Variants in PPP1R9A observed in about 807,000 individuals in gnomAD.
The protein encoded by PPP1R9A is protein phosphatase 1 regulatory subunit 9A.
Under a neutral mutation model 141.9 loss-of-function variants are expected in PPP1R9A, and 59 were observed. That is an observed-to-expected ratio of 0.42 (90% CI 0.34 to 0.52). The LOEUF (loss-of-function observed/expected upper bound fraction) is 0.52. PPP1R9A is among the 20% of genes least tolerant of loss of function. The pLI is 0.10. For synonymous variants in PPP1R9A, 500 were observed against 569.7 expected, an observed-to-expected ratio of 0.88 and a Z score of 1.74; for missense variants, 1,444 against 1,611.9, an observed-to-expected ratio of 0.90 and a Z score of 1.78.
At chr7:95,190,239 C>A (rs542925868) in intron 5 of PPP1R9A, among the ~76,000 whole-genome samples, 1 of 152,308 alleles carries the variant, frequency 6.6e-6, no homozygotes, top group African/African-American at 2.4e-5. Context: ...TACATTTCTT[C>A]TTTCCCTAGG....
chr7:94,958,705 C>G (rs909985972), intron 2 of PPP1R9A, among the ~76,000 whole-genome samples: 10 of 151,970 alleles, frequency 6.6e-5, no homozygotes, highest in African/African-American at 2.4e-4. Context: ...TGTATTCGCT[C>G]TCTTGTTACA....
rs6951458 is a variant in PPP1R9A, at chr7:95,227,036, A to G, written c.2112+920A>G. Reference sequence around the variant, plus strand: ...CTAAAGACTTTCTAAATTAACTGATATCTTCAAACCAAAGAGCAATGCAGA... The same window carrying G: ...CTAAAGACTTTCTAAATTAACTGATGTCTTCAAACCAAAGAGCAATGCAGA... On this transcript the variant is annotated intron_variant, in intron 8 of 19. Coordinates refer to ENST00000433360, the MANE Select transcript of PPP1R9A (RefSeq NM_001166160.2). 8.9e-3 allele frequency among the ~76,000 whole-genome samples: 1,356 copies of G among 152,336 alleles called. 11 individuals are homozygous for G. The highest frequency in any genetic ancestry group is 0.016 in the African/African-American group (686 of 41,590).
intron 2 of PPP1R9A, among the ~76,000 whole-genome samples, chr7:94,992,217 G>T (rs1157731809): frequency 6.6e-6 from 1 of 152,120 alleles, no homozygotes; most frequent in Non-Finnish European, 1.5e-5. Context: ...CATTTTCTAG[G>T]ATTGTATATA....
chr7:95,162,400 C>A (rs1191978265), intron 5 of PPP1R9A, among the ~76,000 whole-genome samples: 2 of 152,140 alleles, frequency 1.3e-5, no homozygotes, highest in Admixed American at 6.5e-5. Context: ...TGTATACATT[C>A]TTTTAAGGAA....
In PPP1R9A at chr7:95,274,122, T is replaced by C. The variant is rs1488616225; in HGVS notation, c.3250T>C (p.Trp1084Arg). The change falls in exon 16 of 20, where the codon TGG becomes CGG. Residue 1084 changes from tryptophan to arginine, a missense_variant. Coordinates refer to ENST00000433360, the MANE Select transcript of PPP1R9A (RefSeq NM_001166160.2). ...LRRNSSKGKKWKEKEKEASRF... is the reference protein window; with the variant it reads ...LRRNSSKGKKRKEKEKEASRF... ...AAGGAATTCCAGCAAGGGAAAGAAGTGGAAAGAAAAAGAAAAAGAAGCCAG... is the reference window on the plus strand; with the variant it reads ...AAGGAATTCCAGCAAGGGAAAGAAGCGGAAAGAAAAAGAAAAAGAAGCCAG... 1.9e-6 allele frequency: 3 copies of C among 1,584,506 alleles called. No homozygotes were observed. Among genetic ancestry groups the C allele is most frequent in the Non-Finnish European group, 2.6e-6 (3 of 1,171,572 alleles).
At chr7:95,031,868 T>C (rs1435074696) in intron 2 of PPP1R9A, among the ~76,000 whole-genome samples, 1 of 152,162 alleles carries the variant, frequency 6.6e-6, no homozygotes, top group Non-Finnish European at 1.5e-5. Context: ...AACCTTAAAT[T>C]ATTTCAACTA....
chr7:94,967,578 A>C (rs180764883), intron 2 of PPP1R9A, among the ~76,000 whole-genome samples: 3 of 152,120 alleles, frequency 2.0e-5, no homozygotes, highest in Non-Finnish European at 4.4e-5. Flanking sequence ...TTACTTACCC[A>C]GTAGTCATTC....
At position 95,268,532 on chromosome 7, in the gene PPP1R9A, A is replaced by G. The variant is rs371830914; in HGVS notation, c.2666-18A>G. On this transcript the variant is annotated intron_variant, in intron 12 of 19. Transcript: ENST00000433360. ...TCTCCAAAGGTTTCTCTCACTGATT[A>G]TCTTTCAATATTCTTAGACTTGAAT... The G allele has an allele frequency of 4.3e-4, 701 of 1,612,178 alleles. No individual in the cohort carries two copies. The highest frequency in any genetic ancestry group is 7.5e-4 in the Admixed American group (45 of 59,832).
chr7:95,049,547 A>G (rs773871342), intron 2 of PPP1R9A, among the ~76,000 whole-genome samples: 2 of 152,150 alleles, frequency 1.3e-5, no homozygotes, highest in Non-Finnish European at 2.9e-5. Flanking sequence ...ATTATCACCT[A>G]AAGTCCATAG....
chr7:94,966,458 A>AT (rs1392212575), intron 2 of PPP1R9A, among the ~76,000 whole-genome samples: 1 of 152,222 alleles, frequency 6.6e-6, no homozygotes, highest in African/African-American at 2.4e-5. Flanking sequence ...TGGGTTTGTC[A>AT]TAAAAAACTC....
intron 5 of PPP1R9A, among the ~76,000 whole-genome samples, chr7:95,191,597 T>C (rs1835511315): frequency 6.6e-6 from 1 of 152,124 alleles, no homozygotes; most frequent in South Asian, 2.1e-4. Flanking sequence ...CCAAGGTAAT[T>C]TTGTTTAACA....
chr7:94,952,021 A>G (rs1354327092), intron 2 of PPP1R9A, among the ~76,000 whole-genome samples: 1 of 151,980 alleles, frequency 6.6e-6, no homozygotes, highest in Non-Finnish European at 1.5e-5. Context: ...GGTTTGTTAC[A>G]TAGGTATACA....
intron 17 of PPP1R9A, among the ~76,000 whole-genome samples, chr7:95,285,716 TC>T (rs1251428932): frequency 1.3e-5 from 2 of 152,172 alleles, no homozygotes; most frequent in African/African-American, 4.8e-5. Flanking sequence ...GAAGGGTACA[TC>T]CAGGAGAGGA....
At chr7:95,218,283 T>G (rs1489217839) in intron 7 of PPP1R9A, among the ~76,000 whole-genome samples, 1 of 152,118 alleles carries the variant, frequency 6.6e-6, no homozygotes, top group Admixed American at 6.5e-5. Flanking sequence ...CGATTTTGAG[T>G]GAGTTTCTTA....
intron 2 of PPP1R9A, among the ~76,000 whole-genome samples, chr7:95,008,648 C>A (rs941170181): frequency 6.6e-6 from 1 of 152,040 alleles, no homozygotes; most frequent in Non-Finnish European, 1.5e-5. Flanking sequence ...AAGAGGTAAA[C>A]GTGTAAAAGG....
At chr7:95,096,519 G>A (rs958894065) in intron 2 of PPP1R9A, among the ~76,000 whole-genome samples, 2 of 152,184 alleles carry the variant, frequency 1.3e-5, no homozygotes, top group African/African-American at 2.4e-5. Context: ...CAAAAGGACT[G>A]AAGATAGAGG....
chr7:95,124,743 T>G (rs1250383409), intron 4 of PPP1R9A, among the ~76,000 whole-genome samples: 1 of 152,174 alleles, frequency 6.6e-6, no homozygotes, highest in Non-Finnish European at 1.5e-5. Context: ...AAAATTTATT[T>G]CAATTTAAAC....
chr7:95,014,148 T>C (rs1011392298), intron 2 of PPP1R9A, among the ~76,000 whole-genome samples: 12 of 152,082 alleles, frequency 7.9e-5, no homozygotes, highest in Admixed American at 5.9e-4. Flanking sequence ...GTACTTTTAT[T>C]TATTTAATCT....
chr7:95,074,192 T>C (rs762747327), intron 2 of PPP1R9A, among the ~76,000 whole-genome samples: 5 of 152,174 alleles, frequency 3.3e-5, no homozygotes, highest in Non-Finnish European at 5.9e-5. Flanking sequence ...AGTACTTAGT[T>C]ATTGGCAAAA....
Sources: gnomAD v4.1 joint callset for allele counts (sites outside exome capture counted in the v4.1 genomes callset) on GRCh38, gnomAD v4.1.1 for gene constraint, MANE v1.5 for transcripts, NCBI Gene and HGNC (gene_info 2026-07-23, HGNC 2026-07-21) for gene names.